Variants in CASP10 observed in about 807,000 individuals in gnomAD.
The protein encoded by CASP10 is caspase 10.
CASP10 carries 41 observed loss-of-function variants against 48.5 expected under a neutral mutation model. The observed-to-expected ratio is 0.85, with a 90% confidence interval of 0.66 to 1.10. The LOEUF (loss-of-function observed/expected upper bound fraction) is 1.10, where lower values mean the gene tolerates loss of function less well. CASP10 is among the 50% of genes least tolerant of loss of function. The pLI is 0.00. For synonymous variants in CASP10, 232 were observed against 238.4 expected, an observed-to-expected ratio of 0.97 and a Z score of 0.25; for missense variants, 614 against 614.5, an observed-to-expected ratio of 1.00 and a Z score of 0.01.
At chr2:201,217,108 T>C (rs932753683) in intron 9 of CASP10, among the ~76,000 whole-genome samples, 4 of 152,160 alleles carry the variant, frequency 2.6e-5, no homozygotes, top group Non-Finnish European at 4.4e-5. Flanking sequence ...ACTTCAGGAA[T>C]TGTGTCATGT....
In CASP10 at chr2:201,218,231, C is replaced by T; in HGVS notation, c.*490C>T. 9.9e-7 allele frequency: 1 copy of T among 1,014,046 alleles called. No homozygotes were observed. Among genetic ancestry groups the T allele is most frequent in the Non-Finnish European group, 1.2e-6 (1 of 847,198 alleles). 62.8% of individuals were successfully genotyped at this position (1,014,046 alleles called of 1,614,324 possible). A position where few individuals can be genotyped will look rare whatever the true frequency, so the allele number is the denominator to read the frequency against. On this transcript the variant is annotated 3_prime_UTR_variant, in exon 10 of 10. Transcript: ENST00000286186. Reference sequence around the variant, plus strand: ...CCACCACACCTGGCCAGAAAACTTTCATTATTGAAGACTTGGATTGTAGCC... The same window carrying T: ...CCACCACACCTGGCCAGAAAACTTTTATTATTGAAGACTTGGATTGTAGCC...
chr2:201,217,170 CT>C (rs1945595812), intron 9 of CASP10, among the ~76,000 whole-genome samples: 5 of 152,326 alleles, frequency 3.3e-5, no homozygotes, highest in African/African-American at 2.4e-5. Flanking sequence ...TTGTTGGTAT[CT>C]GTGGCATCTG....
chr2:201,205,652 A>G (rs1945176574), intron 6 of CASP10, among the ~76,000 whole-genome samples: 2 of 152,276 alleles, frequency 1.3e-5, no homozygotes, highest in South Asian at 2.1e-4. Context: ...TGGGATCTTA[A>G]TTAATTCCCC....
chr2:201,190,504 A>T (rs1253050488), intron 3 of CASP10, among the ~76,000 whole-genome samples: 1 of 152,130 alleles, frequency 6.6e-6, no homozygotes, highest in Non-Finnish European at 1.5e-5. Flanking sequence ...TTAAATACAG[A>T]ATTTCTCAAA....
downstream of CASP10, among the ~76,000 whole-genome samples, chr2:201,223,384 A>AC (rs1334684394): frequency 1.3e-5 from 2 of 151,964 alleles, no homozygotes; most frequent in African/African-American, 2.4e-5. Flanking sequence ...GCTTGAAAGG[A>AC]CCCCAATGAC....
intron 4 of CASP10, 128 bp from the exon 5 acceptor site, chr2:201,195,714 T>C (rs1394112682): frequency 1.6e-5 from 12 of 750,670 alleles, no homozygotes; most frequent in Non-Finnish European, 2.7e-5. Context: ...ACTCCTACTC[T>C]GTCCCCAGGC....
intron 3 of CASP10, 21 bp from the exon 4 acceptor site, chr2:201,192,963 A>T: frequency 1.2e-6 from 2 of 1,611,246 alleles, no homozygotes; most frequent in East Asian, 2.2e-5. Flanking sequence ...AGTAAATGTA[A>T]CTCTATTGAT....
intron 9 of CASP10, among the ~76,000 whole-genome samples, chr2:201,227,459 A>G (rs1945802761): frequency 1.3e-5 from 2 of 152,144 alleles, no homozygotes; most frequent in Admixed American, 6.5e-5. Flanking sequence ...AATGATCTGG[A>G]TATAATCTCC....
chr2:201,191,629 T>C (rs567323250), intron 3 of CASP10, among the ~76,000 whole-genome samples: 34 of 152,310 alleles, frequency 2.2e-4, no homozygotes, highest in African/African-American at 8.2e-4. Context: ...TTACCCACCA[T>C]TGGAAAAGGG....
At chr2:201,206,005 T>TA (rs746724152) in intron 7 of CASP10, 32 bp downstream of exon 7, 1 of 1,425,162 alleles carries the variant, frequency 7.0e-7, no homozygotes, top group East Asian at 2.3e-5. Context: ...CCTTTTTTAA[T>TA]AAAAAAATTT....
chr2:201,187,895 T>C (rs1449192680), intron 3 of CASP10, 96 bp downstream of exon 3: 3 of 871,574 alleles, frequency 3.4e-6, no homozygotes, highest in Non-Finnish European at 5.7e-6. Flanking sequence ...TTATTTTTTA[T>C]GGGAGACAGT....
chr2:201,200,518 A>G (rs775152087), intron 5 of CASP10: 1 of 1,598,180 alleles, frequency 6.3e-7, no homozygotes, highest in Non-Finnish European at 8.5e-7. Context: ...GGAGCTTGGC[A>G]AAGGCTGGGC....
chr2:201,220,650 G>A lies in CASP10; in HGVS notation c.*2909G>A. The stretch of plus-strand genomic sequence containing the variant: ...GGGCTCTGACCTAACTCGGCCAGAA[G>A]CCCCTTTCAAATTTGTTTTCTCTAA... On this transcript the variant is annotated 3_prime_UTR_variant, in exon 10 of 10. Coordinates refer to ENST00000286186, the MANE Select transcript of CASP10 (RefSeq NM_032977.4). The A allele has an allele frequency of 1.4e-6, 1 of 704,356 alleles. No individual in the cohort carries two copies. The highest frequency in any genetic ancestry group is 1.7e-6 in the Non-Finnish European group (1 of 573,442). The allele number at this position is 704,356 out of a possible 1,614,324, so 43.6% of individuals were successfully genotyped here. A position where few individuals can be genotyped will look rare whatever the true frequency, so the allele number is the denominator to read the frequency against.
At position 201,195,939 on chromosome 2, in the gene CASP10, A is replaced by C. The variant is rs1405563767; in HGVS notation, c.675A>C (p.Glu225Asp). 6.2e-7 allele frequency: 1 copy of C among 1,611,806 alleles called. No individual in the cohort carries two copies. Among genetic ancestry groups the C allele is most frequent in the Non-Finnish European group, 8.5e-7 (1 of 1,177,996 alleles). Residue 225 changes from glutamate to aspartate, a missense_variant, in exon 5 of 10, where the codon GAA becomes GAC. By Grantham distance (45) the Glu-to-Asp change is conservative (BLOSUM62 2). Coordinates refer to ENST00000286186, the MANE Select transcript of CASP10 (RefSeq NM_032977.4). ...VSQTDVKTFL[E>D]ALPQESWQNK... ...AAACAGATGTTAAGACATTCTTGGA[A>C]GCCTTACCGGTAGGTTCAGTGGTGT... is the stretch of plus-strand genomic sequence containing the variant.
downstream of CASP10, among the ~76,000 whole-genome samples, chr2:201,221,891 T>C (rs1403759288): frequency 6.6e-6 from 1 of 152,200 alleles, no homozygotes; most frequent in Non-Finnish European, 1.5e-5. Flanking sequence ...GAGTCGTGGA[T>C]CTACCCAGAC....
chr2:201,188,120 A>C (rs901009195), intron 3 of CASP10, among the ~76,000 whole-genome samples: 1 of 152,200 alleles, frequency 6.6e-6, no homozygotes, highest in Non-Finnish European at 1.5e-5. Flanking sequence ...GCATGAGGCC[A>C]ATATTTGGTA....
At position 201,209,150 on chromosome 2, in the gene CASP10, G is replaced by T. The variant is rs1487617334; in HGVS notation, c.1003G>T (p.Val335Phe). The change falls in exon 9 of 10, where the codon GTC becomes TTC. Residue 335 changes from valine to phenylalanine, a missense_variant. Val to Phe is a conservative substitution (Grantham distance 50, BLOSUM62 -1). Transcript: ENST00000286186. Reference sequence around the variant, plus strand: ...TGTGACGAAAGTGGAAATGGAGATGGTCCTGCAGAAGCAGAAGTGCAATCC... The same window carrying T: ...TGTGACGAAAGTGGAAATGGAGATGTTCCTGCAGAAGCAGAAGTGCAATCC... ...NNVTKVEMEMVLQKQKCNPAH... is the reference protein window; with the variant it reads ...NNVTKVEMEMFLQKQKCNPAH... 1 of 1,612,110 alleles carries T rather than the reference G, an allele frequency of 6.2e-7. No individual in the cohort carries two copies. Among genetic ancestry groups the T allele is most frequent in the East Asian group, 2.2e-5 (1 of 44,858 alleles).
chr2:201,200,623 G>A (rs571454131), intron 5 of CASP10: 3 of 1,461,708 alleles, frequency 2.1e-6, no homozygotes, highest in South Asian at 1.4e-5. Flanking sequence ...CATTCGGCAG[G>A]TGGAGGTATT....
intron 8 of CASP10, among the ~76,000 whole-genome samples, chr2:201,208,789 G>A (rs956131109): frequency 6.6e-6 from 1 of 151,676 alleles, no homozygotes; most frequent in East Asian, 1.9e-4. Context: ...AGCCATTCTC[G>A]TGCCTCAGCC....
Sources: allele counts gnomAD v4.1 joint callset (sites outside exome capture counted in the v4.1 genomes callset), GRCh38; gene constraint gnomAD v4.1.1; transcripts MANE v1.5; gene names NCBI Gene and HGNC (gene_info 2026-07-23, HGNC 2026-07-21).